Variants in CYTH3 observed in about 807,000 individuals in gnomAD.
CYTH3 encodes the protein cytohesin 3.
A neutral mutation model predicts 55.1 loss-of-function variants in CYTH3; 23 were observed. That is an observed-to-expected ratio of 0.42 (90% CI 0.30 to 0.59). The LOEUF (loss-of-function observed/expected upper bound fraction) is 0.59, where lower values mean the gene tolerates loss of function less well. Among genes scored for constraint, CYTH3 ranks in the 20% least tolerant of loss-of-function variants. The pLI is 0.20. For synonymous variants in CYTH3, 249 were observed against 194.9 expected (o/e 1.28, Z -2.31); for missense variants, 413 against 524.8 (o/e 0.79, Z 2.08).
intron 1 of CYTH3, among the ~76,000 whole-genome samples, chr7:6,242,843 C>T (rs1779710034): frequency 6.6e-6 from 1 of 152,102 alleles, no homozygotes; most frequent in African/African-American, 2.4e-5. Context: ...ACCCCACTGC[C>T]ACCCTCTAGG....
intron 1 of CYTH3, 35 bp downstream of exon 1, chr7:6,272,439 G>A (rs960454201): frequency 1.6e-5 from 20 of 1,241,678 alleles, no homozygotes; most frequent in Middle Eastern, 6.1e-4. Context: ...CCGACCCCAG[G>A]CCGCCGGCGA....
intron 1 of CYTH3, among the ~76,000 whole-genome samples, chr7:6,243,697 T>A (rs1193286569): frequency 6.6e-6 from 1 of 152,206 alleles, no homozygotes; most frequent in Non-Finnish European, 1.5e-5. Flanking sequence ...TCCTAGAATA[T>A]TCCTTCCGGC....
At chr7:6,211,602 G>T (rs1784320329) in intron 1 of CYTH3, among the ~76,000 whole-genome samples, 1 of 152,174 alleles carries the variant, frequency 6.6e-6, no homozygotes. Flanking sequence ...AAAGTGCTGG[G>T]ATTACAGGAG....
At chr7:6,241,061 G>A (rs1369758825) in intron 1 of CYTH3, among the ~76,000 whole-genome samples, 1 of 152,128 alleles carries the variant, frequency 6.6e-6, no homozygotes, top group African/African-American at 2.4e-5. Context: ...GGCGGAGGTT[G>A]CAGTGAGCCG....
intron 1 of CYTH3, among the ~76,000 whole-genome samples, chr7:6,255,003 C>T (rs1450138169): frequency 6.6e-6 from 1 of 152,232 alleles, no homozygotes; most frequent in Admixed American, 6.5e-5. Context: ...ATTCTTCCAA[C>T]TCACTCTACT....
intron 1 of CYTH3, among the ~76,000 whole-genome samples, chr7:6,263,627 C>G (rs970121690): frequency 1.3e-5 from 2 of 151,962 alleles, no homozygotes; most frequent in African/African-American, 4.8e-5. Context: ...AAAAACCTGT[C>G]TCTACTAAAA....
In CYTH3 at chr7:6,226,905, C is replaced by A. The variant is rs577367737; in HGVS notation, c.35-36374G>T. Among the ~76,000 whole-genome samples the A allele has an allele frequency of 1.2e-4, 19 of 152,132 alleles. No individual in the cohort carries two copies. In the South Asian group the frequency reaches 3.7e-3, roughly 30 times the overall value. On this transcript the variant is annotated intron_variant, in intron 1 of 12. Transcript: ENST00000350796. Reference sequence around the variant, plus strand: ...ACCATCCTGGCTAACACGGTGAAACCCCGTCTCTACTAAAAATACAAAAAA... The same window carrying A: ...ACCATCCTGGCTAACACGGTGAAACACCGTCTCTACTAAAAATACAAAAAA...
At chr7:6,248,215 T>G (rs1329382529) in intron 1 of CYTH3, among the ~76,000 whole-genome samples, 2 of 151,072 alleles carry the variant, frequency 1.3e-5, no homozygotes, top group African/African-American at 2.4e-5. Context: ...ACAATAGTAT[T>G]TAGACCCATC....
chr7:6,164,402 C>T lies in CYTH3; in HGVS notation c.*542G>A, dbSNP rs952528238. The T allele has an allele frequency of 6.5e-6, 1 of 153,144 alleles. No homozygotes were observed. Among genetic ancestry groups the T allele is most frequent in the East Asian group, 1.9e-4 (1 of 5,208 alleles). The allele number at this position is 153,144 out of a possible 1,614,324, so 9.5% of individuals were successfully genotyped here. Reference sequence around the variant, plus strand: ...GTTATAATTTCAGAATATAAAAAGGCATATAAAAGCTATAATCCTATATAT... The same window carrying T: ...GTTATAATTTCAGAATATAAAAAGGTATATAAAAGCTATAATCCTATATAT... On this transcript the variant is annotated 3_prime_UTR_variant, in exon 13 of 13. Coordinates refer to ENST00000350796, the MANE Select transcript of CYTH3 (RefSeq NM_004227.4).
chr7:6,182,434 A>C (rs1403248423), intron 4 of CYTH3, among the ~76,000 whole-genome samples: 1 of 152,180 alleles, frequency 6.6e-6, no homozygotes, highest in African/African-American at 2.4e-5. Flanking sequence ...CCGCAGCCTC[A>C]AACTCCTGGG....
intron 1 of CYTH3, among the ~76,000 whole-genome samples, chr7:6,257,073 G>A (rs935353551): frequency 7.2e-5 from 11 of 152,088 alleles, no homozygotes; most frequent in East Asian, 3.8e-4. Flanking sequence ...CCGAGAAAAC[G>A]CAACATTTTA....
At position 6,181,919 on chromosome 7, in the gene CYTH3, C is replaced by G. The variant is rs577008356; in HGVS notation, c.250-3978G>C. Among the ~76,000 whole-genome samples, 6 of 152,338 alleles carry G rather than the reference C, an allele frequency of 3.9e-5. No individual in the cohort carries two copies. In the South Asian group the frequency reaches 6.2e-4, roughly 16 times the overall value. ...TTTTCATTTCCAAGGTTCTTTTTCACAATCCCCCATTTTTATATCATGGAT... is the reference window on the plus strand; with the variant it reads ...TTTTCATTTCCAAGGTTCTTTTTCAGAATCCCCCATTTTTATATCATGGAT... On this transcript the variant is annotated intron_variant, in intron 4 of 12. Coordinates refer to ENST00000350796, the MANE Select transcript of CYTH3 (RefSeq NM_004227.4).
At chr7:6,196,058 T>C (rs1783918099) in intron 1 of CYTH3, among the ~76,000 whole-genome samples, 2 of 152,328 alleles carry the variant, frequency 1.3e-5, no homozygotes, top group South Asian at 4.1e-4. Context: ...TTTCTCGCTC[T>C]AGGCTTCCCC....
At chr7:6,190,339 TTTTTGGGTTTTTTTTTTTTTTTACA>T in intron 2 of CYTH3, 85 bp downstream of exon 2, 2 of 912,322 alleles carry the variant, frequency 2.2e-6, no homozygotes, top group Non-Finnish European at 3.1e-6. Flanking sequence ...TTATTTTTTG[TTTTTGGGTTTTTTTTTTTTTTTACA>T]TTTTTGTGAG....
At chr7:6,272,413 C>G in intron 1 of CYTH3, 61 bp downstream of exon 1, 3 of 465,168 alleles carry the variant, frequency 6.4e-6, no homozygotes, top group African/African-American at 2.1e-5. Context: ...CGCCCTCGAC[C>G]CCCAGCCCCC....
chr7:6,265,190 G>C (rs1308599489), intron 1 of CYTH3, among the ~76,000 whole-genome samples: 2 of 151,888 alleles, frequency 1.3e-5, no homozygotes, highest in Non-Finnish European at 2.9e-5. Context: ...TAGAGTAGTA[G>C]TCAAGGGCAG....
At position 6,242,278 on chromosome 7, in the gene CYTH3, G is replaced by A. The variant is rs942989310; in HGVS notation, c.34+30196C>T. 4.0e-5 allele frequency among the ~76,000 whole-genome samples: 6 copies of A among 150,618 alleles called. No individual in the cohort carries two copies. The East Asian group carries it at 7.8e-4, about 20-fold the overall frequency. On this transcript the variant is annotated intron_variant, in intron 1 of 12. Coordinates refer to ENST00000350796, the MANE Select transcript of CYTH3 (RefSeq NM_004227.4). Reference sequence around the variant, plus strand: ...TTTTTAGTAGAGATGGGGTTTCACCGCGTTGGCCAGGATGGTCTCCATCTC... The same window carrying A: ...TTTTTAGTAGAGATGGGGTTTCACCACGTTGGCCAGGATGGTCTCCATCTC...
chr7:6,214,972 A>C (rs1583168753), intron 1 of CYTH3, among the ~76,000 whole-genome samples: 1 of 152,138 alleles, frequency 6.6e-6, no homozygotes, highest in East Asian at 1.9e-4. Context: ...TATTTTGGTA[A>C]ATTTTTAAAA....
intron 1 of CYTH3, among the ~76,000 whole-genome samples, chr7:6,211,977 CG>C (rs1395843578): frequency 6.6e-6 from 1 of 152,142 alleles, no homozygotes; most frequent in East Asian, 1.9e-4. Context: ...CAGAGTGAGA[CG>C]CTGTCTCAAA....
Sources: allele counts gnomAD v4.1 joint callset (sites outside exome capture counted in the v4.1 genomes callset), GRCh38; gene constraint gnomAD v4.1.1; transcripts MANE v1.5; gene names NCBI Gene and HGNC (gene_info 2026-07-23, HGNC 2026-07-21).